Variants in CAPN2 observed in about 807,000 individuals in gnomAD.
CAPN2 encodes calpain 2, also known as calpain-2 catalytic subunit.
Under a neutral mutation model 102.3 loss-of-function variants are expected in CAPN2, and 92 were observed. That is an observed-to-expected ratio of 0.90 (90% confidence interval 0.76 to 1.07). The LOEUF (loss-of-function observed/expected upper bound fraction) is 1.07. CAPN2 is among the 50% of genes least tolerant of loss of function. The probability of loss-of-function intolerance (pLI) is 0.00; values close to 1 mark genes in which losing one functional copy is unlikely to be tolerated. For missense variants in CAPN2, 800 were observed against 909.4 expected (o/e 0.88, Z 1.55); for synonymous variants, 340 against 355.4 (o/e 0.96, Z 0.49).
rs1007221264 is a variant in CAPN2 at position 223,755,683 on chromosome 1, C to T, written c.1305+34C>T. ...CGCAGGGGCTCCTGCCCTCCCTTCC[C>T]CATGTGTTCATCTCAGCCCCTGCAT... On this transcript the variant is annotated intron_variant, in intron 10 of 20. Transcript: ENST00000295006. The surrounding 1 kb of genome is among the most constrained non-coding windows in gnomAD (Gnocchi z 4.1). The T allele has an allele frequency of 5.2e-6, 8 of 1,525,636 alleles. No individual in the cohort carries two copies. The highest frequency in any genetic ancestry group is 6.2e-6 in the Non-Finnish European group (7 of 1,135,438). 94.5% of individuals were successfully genotyped at this position (1,525,636 alleles called of 1,614,324 possible).
chr1:223,750,562 A>G (rs186116452), intron 6 of CAPN2, among the ~76,000 whole-genome samples: 1 of 152,326 alleles, frequency 6.6e-6, no homozygotes, highest in Non-Finnish European at 1.5e-5. Context: ...ACAAATGGTA[A>G]AGCTTCTCTG....
intron 6 of CAPN2, 121 bp downstream of exon 6, chr1:223,749,243 CCGCACTCCTG>C (rs1660827261): frequency 8.5e-6 from 7 of 826,364 alleles, no homozygotes; most frequent in Non-Finnish European, 1.4e-5. Flanking sequence ...CACTCGGGCC[CCGCACTCCTG>C]AAGTTCCGCG....
chr1:223,711,657 C>G (rs1659730049), upstream of CAPN2, among the ~76,000 whole-genome samples: 1 of 152,208 alleles, frequency 6.6e-6, no homozygotes, highest in Non-Finnish European at 1.5e-5. Flanking sequence ...GTCACCCAGG[C>G]TGGAGCGCAG....
chr1:223,752,721 C>A, intron 8 of CAPN2, 75 bp from the exon 9 acceptor site: 2 of 1,471,120 alleles, frequency 1.4e-6, no homozygotes, highest in Non-Finnish European at 1.9e-6. Flanking sequence ...GGCTCCTGGT[C>A]TGGTGTTGGT....
chr1:223,736,454 A>C (rs1256937136), intron 2 of CAPN2, among the ~76,000 whole-genome samples: 1 of 152,190 alleles, frequency 6.6e-6, no homozygotes, highest in African/African-American at 2.4e-5. Flanking sequence ...CTCCAGTGAC[A>C]CTTGCCTTTC....
chr1:223,722,733 A>G (rs1660087137), intron 2 of CAPN2, among the ~76,000 whole-genome samples: 1 of 152,150 alleles, frequency 6.6e-6, no homozygotes, highest in Non-Finnish European at 1.5e-5. Context: ...CCTCATACCC[A>G]GTTTCCCCTA....
intron 2 of CAPN2, among the ~76,000 whole-genome samples, chr1:223,734,064 G>A (rs527563076): frequency 6.8e-4 from 103 of 152,252 alleles, no homozygotes; most frequent in African/African-American, 2.4e-3. Context: ...TATGTGAGGA[G>A]AAAAGCAGGG....
In CAPN2 at chr1:223,747,093, G is replaced by T. The variant is rs1280940779; in HGVS notation, c.657G>T (p.Lys219Asn). 1 of 1,613,952 alleles carries T rather than the reference G, an allele frequency of 6.2e-7. No homozygotes were observed. Among genetic ancestry groups the T allele is most frequent in the Non-Finnish European group, 8.5e-7 (1 of 1,179,986 alleles). Residue 219 changes from lysine to asparagine, a missense_variant, in exon 5 of 21, where the codon AAG becomes AAT. Transcript: ENST00000295006. ...GGIAEWYELK[K>N]PPPNLFKIIQ... ...TTGCTGAGTGGTATGAGTTGAAGAA[G>T]CCCCCTCCCAACCTGTTCAAGATCA...
At chr1:223,762,122 C>A in intron 13 of CAPN2, 64 bp from the exon 14 acceptor site, 2 of 1,401,000 alleles carry the variant, frequency 1.4e-6, no homozygotes, top group Non-Finnish European at 2.0e-6. Flanking sequence ...CATGGAAGGG[C>A]GGGCAGACAC....
chr1:223,761,431 T>C, intron 12 of CAPN2, 150 bp from the exon 13 acceptor site: 1 of 529,468 alleles, frequency 1.9e-6, no homozygotes, highest in Non-Finnish European at 3.3e-6. Flanking sequence ...CACAGAAACT[T>C]GGAATACAAA....
In CAPN2 at chr1:223,752,955, G is replaced by A. The variant is rs141342575; in HGVS notation, c.1134G>A (p.Pro378=). The A allele has an allele frequency of 3.9e-5, 63 of 1,613,818 alleles. No individual in the cohort carries two copies. The highest frequency in any genetic ancestry group is 4.9e-5 in the Non-Finnish European group (58 of 1,179,968). The change falls in exon 9 of 21, where the codon CCG becomes CCA. Residue 378 remains proline (P), a splice_region_variant and synonymous_variant. Transcript: ENST00000295006. ...CCGCGGGAGGTTGCAGGAACTACCC[G>A]AGTAAGGGCTGTTGCATATAAGGGC... ...GSTAGGCRNY[P]NTFWMNPQYL...
chr1:223,705,995 G>GTAT (rs1400167019), intron 1 of CAPN2, among the ~76,000 whole-genome samples: 2 of 152,170 alleles, frequency 1.3e-5, no homozygotes, highest in East Asian at 3.8e-4. Flanking sequence ...AAGACTACAT[G>GTAT]TATTATTAGT....
intron 16 of CAPN2, among the ~76,000 whole-genome samples, chr1:223,768,680 G>A (rs1661397580): frequency 6.6e-6 from 1 of 150,790 alleles, no homozygotes; most frequent in Non-Finnish European, 1.5e-5. Flanking sequence ...GCTCTTTTTT[G>A]GTTCCATATG....
chr1:223,758,382 A>G (rs1031499248), intron 11 of CAPN2: 2 of 152,240 alleles, frequency 1.3e-5, no homozygotes, highest in Non-Finnish European at 2.9e-5. Flanking sequence ...CCGGTAGCAC[A>G]TCGGGCTCTT....
chr1:223,755,450 C>G lies in CAPN2; in HGVS notation c.1136-30C>G. 1.2e-6 allele frequency: 2 copies of G among 1,612,112 alleles called. No individual in the cohort carries two copies. The highest frequency in any genetic ancestry group is 1.7e-6 in the Non-Finnish European group (2 of 1,178,996). ...CACCCCCATGCATTCCTGCTCAGGG[C>G]TGGGCTCCTCTGCCCCTTTCTGGCT... On this transcript the variant is annotated intron_variant, in intron 9 of 20. Transcript: ENST00000295006. This position sits in a 1 kb window ranked among gnomAD's most constrained non-coding sequence, Gnocchi z 4.1.
chr1:223,761,136 T>C (rs1629836), intron 12 of CAPN2, among the ~76,000 whole-genome samples: 49,253 of 152,178 alleles, frequency 0.32, 11,334 homozygotes, highest in African/African-American at 0.66. Flanking sequence ...TGAAAGTCTA[T>C]GTTGGCAAAG....
intron 2 of CAPN2, among the ~76,000 whole-genome samples, chr1:223,737,868 G>C (rs1368733529): frequency 1.3e-5 from 2 of 152,060 alleles, no homozygotes; most frequent in Non-Finnish European, 2.9e-5. Context: ...GGCTACAGAT[G>C]GGCCCTATAC....
intron 19 of CAPN2, 79 bp from the exon 20 acceptor site, chr1:223,772,102 A>G: frequency 7.3e-7 from 1 of 1,364,698 alleles, no homozygotes; most frequent in Non-Finnish European, 1.0e-6. Context: ...CAGTGAAGTC[A>G]GTTGCTGAAC....
intron 2 of CAPN2, among the ~76,000 whole-genome samples, chr1:223,720,005 C>T (rs1196873532): frequency 6.6e-6 from 1 of 152,158 alleles, no homozygotes; most frequent in Non-Finnish European, 1.5e-5. Flanking sequence ...ATCCCAACAG[C>T]CTCACAAGCA....
Sources: allele counts gnomAD v4.1 joint callset (sites outside exome capture counted in the v4.1 genomes callset), GRCh38; gene constraint gnomAD v4.1.1; non-coding constraint Gnocchi (gnomAD v3.1); transcripts MANE v1.5; gene names NCBI Gene and HGNC (gene_info 2026-07-23, HGNC 2026-07-21).